Variants in RPGRIP1 observed in about 807,000 individuals in gnomAD.
RPGRIP1 encodes the protein X-linked retinitis pigmentosa GTPase regulator-interacting protein 1.
A neutral mutation model predicts 157.9 loss-of-function variants in RPGRIP1; 128 were observed. The observed-to-expected ratio is 0.81, with a 90% CI of 0.70 to 0.94. The LOEUF is 0.94. Ranked by LOEUF, RPGRIP1 falls within the 40% of genes least tolerant of loss-of-function variation. The pLI is 0.00. For missense variants in RPGRIP1, 1,486 were observed against 1,545.8 expected, an observed-to-expected ratio of 0.96 and a Z score of 0.65; for synonymous variants, 554 against 571.6, an observed-to-expected ratio of 0.97 and a Z score of 0.44.
intron 1 of RPGRIP1, among the ~76,000 whole-genome samples, chr14:21,281,550 G>C (rs1332301735): frequency 2.0e-5 from 3 of 151,764 alleles, no homozygotes; most frequent in African/African-American, 7.2e-5. Context: ...TTAGCTGGGC[G>C]TGGCGGCTTG....
In RPGRIP1 at chr14:21,290,066, G is replaced by A. The variant is rs1223222332; in HGVS notation, c.85+2005G>A. Among the ~76,000 whole-genome samples the A allele has an allele frequency of 4.6e-5, 7 of 151,414 alleles. 1 individual carries two copies. In the South Asian group the frequency reaches 6.3e-4, roughly 14 times the overall value. On this transcript the variant is annotated intron_variant, in intron 2 of 24. Coordinates refer to ENST00000400017, the MANE Select transcript of RPGRIP1 (RefSeq NM_020366.4). ...GAGATGGGGTTTCACCATGCTGGCC[G>A]GACTGGTCTCCAACTCCTGGCTTCA...
chr14:21,345,039 C>T, intron 22 of RPGRIP1, 74 bp from the exon 23 acceptor site: 1 of 924,298 alleles, frequency 1.1e-6, no homozygotes. Flanking sequence ...CCATGAATAC[C>T]ACTAATGAAA....
intron 13 of RPGRIP1, chr14:21,321,630 G>A (rs1418541918): frequency 1.7e-5 from 18 of 1,068,222 alleles, no homozygotes; most frequent in Non-Finnish European, 2.1e-5. Flanking sequence ...AATGGCAAGC[G>A]TAAGGCTTCT....
chr14:21,340,675 C>T (rs947224831), intron 21 of RPGRIP1, among the ~76,000 whole-genome samples: 17 of 152,052 alleles, frequency 1.1e-4, no homozygotes, highest in African/African-American at 4.1e-4. Flanking sequence ...AATACAGATT[C>T]CCAGGAGCCA....
intron 10 of RPGRIP1, among the ~76,000 whole-genome samples, chr14:21,314,381 G>T (rs991038790): frequency 6.6e-6 from 1 of 152,054 alleles, no homozygotes; most frequent in Non-Finnish European, 1.5e-5. Context: ...ACCGACCCTG[G>T]GCTATTCTAT....
chr14:21,322,668 TG>T (rs1044189757), intron 14 of RPGRIP1, among the ~76,000 whole-genome samples: 1 of 151,450 alleles, frequency 6.6e-6, no homozygotes, highest in African/African-American at 2.5e-5. Flanking sequence ...TCCTCTCCCC[TG>T]TCCCTCTCTC....
chr14:21,322,140 A>G (rs1043654467), intron 14 of RPGRIP1, 136 bp downstream of exon 14: 3 of 683,376 alleles, frequency 4.4e-6, no homozygotes, highest in African/African-American at 1.9e-5. Flanking sequence ...TCTTTATCCT[A>G]TCATTTTTGT....
chr14:21,340,603 C>T (rs1884895966), intron 21 of RPGRIP1, among the ~76,000 whole-genome samples: 2 of 152,106 alleles, frequency 1.3e-5, no homozygotes, highest in South Asian at 2.1e-4. Flanking sequence ...TGCAGTGAGC[C>T]GACGTCGCAC....
At chr14:21,321,502 A>C in intron 13 of RPGRIP1, 100 bp downstream of exon 13, 1 of 1,513,140 alleles carries the variant, frequency 6.6e-7, no homozygotes. Context: ...CAGGGCTGAT[A>C]CCAGGTGATG....
At chr14:21,332,327 A>G (rs1375705088) in intron 20 of RPGRIP1, among the ~76,000 whole-genome samples, 1 of 152,110 alleles carries the variant, frequency 6.6e-6, no homozygotes, top group East Asian at 1.9e-4. Flanking sequence ...GAGAAGGATA[A>G]TTTTTCTATT....
chr14:21,345,173 A>C lies in RPGRIP1; in HGVS notation c.3593A>C (p.Asn1198Thr). ...AGGCGGTTTCTGTTCGACATGCTGAATGGACAAGATCCTGATCAAGGACAG... is the reference window on the plus strand; with the variant it reads ...AGGCGGTTTCTGTTCGACATGCTGACTGGACAAGATCCTGATCAAGGACAG... ...GRRRFLFDML[N>T]GQDPDQGHLK... is the part of the protein sequence containing the mutation. The change falls in exon 23 of 25, where the codon AAT becomes ACT. Residue 1198 changes from asparagine (N) to threonine (T), a missense_variant. Asn to Thr is a moderately conservative substitution (Grantham distance 65, BLOSUM62 0). Transcript: ENST00000400017. 1.2e-6 allele frequency: 2 copies of C among 1,613,228 alleles called. No homozygotes were observed. Among genetic ancestry groups the C allele is most frequent in the South Asian group, 2.2e-5 (2 of 91,030 alleles).
chr14:21,321,214 C>T (rs567478981), intron 12 of RPGRIP1, 45 bp from the exon 13 acceptor site: 3 of 1,562,156 alleles, frequency 1.9e-6, no homozygotes, highest in Middle Eastern at 1.7e-4. Context: ...ATTACTTTAC[C>T]TGTCATATTT....
At chr14:21,290,065 C>T (rs1398367344) in intron 2 of RPGRIP1, among the ~76,000 whole-genome samples, 3 of 152,138 alleles carry the variant, frequency 2.0e-5, no homozygotes, top group African/African-American at 2.4e-5. Flanking sequence ...CCATGCTGGC[C>T]GGACTGGTCT....
intron 12 of RPGRIP1, among the ~76,000 whole-genome samples, 170 bp downstream of exon 12, chr14:21,320,347 TG>T (rs145219616): frequency 6.6e-6 from 1 of 152,056 alleles, no homozygotes; most frequent in Non-Finnish European, 1.5e-5. Context: ...TGGAGTGCAG[TG>T]GCGCGATCTC....
chr14:21,302,281 C>T (rs1219692085), intron 4 of RPGRIP1, among the ~76,000 whole-genome samples: 3 of 152,046 alleles, frequency 2.0e-5, no homozygotes, highest in African/African-American at 7.2e-5. Context: ...TTTGTACTTA[C>T]TCACTTGAGG....
At chr14:21,291,733 C>T (rs1012881271) in intron 2 of RPGRIP1, among the ~76,000 whole-genome samples, 1 of 151,990 alleles carries the variant, frequency 6.6e-6, no homozygotes, top group Non-Finnish European at 1.5e-5. Flanking sequence ...AGGTGCACAC[C>T]ACCATGCCCA....
intron 4 of RPGRIP1, 81 bp downstream of exon 4, chr14:21,301,318 T>C: frequency 7.1e-7 from 1 of 1,413,722 alleles, no homozygotes; most frequent in Non-Finnish European, 9.6e-7. Context: ...CTCACTGCCT[T>C]CTTCTGCCCA....
In RPGRIP1 at chr14:21,326,218, T is replaced by G. The variant is rs200638435; in HGVS notation, c.2710+45T>G. On this transcript the variant is annotated intron_variant, in intron 17 of 24. Coordinates refer to ENST00000400017, the MANE Select transcript of RPGRIP1 (RefSeq NM_020366.4). Reference sequence around the variant, plus strand: ...ACATCTTCACGCCCTCTTCCCAGTGTTGTCTCCCTGTCCTGATTCTACTTT... The same window carrying G: ...ACATCTTCACGCCCTCTTCCCAGTGGTGTCTCCCTGTCCTGATTCTACTTT... The G allele has an allele frequency of 6.9e-5, 89 of 1,291,492 alleles. 1 individual carries two copies. In the African/African-American group the frequency reaches 1.2e-3, roughly 18 times the overall value. 80.0% of individuals were successfully genotyped at this position (1,291,492 alleles called of 1,614,324 possible).
At chr14:21,339,711 G>C (rs1306449096) in intron 21 of RPGRIP1, among the ~76,000 whole-genome samples, 1 of 152,114 alleles carries the variant, frequency 6.6e-6, no homozygotes, top group Non-Finnish European at 1.5e-5. Context: ...TTCATACTGT[G>C]TGCCAAGTGC....
Sources: gnomAD v4.1 joint callset for allele counts (sites outside exome capture counted in the v4.1 genomes callset) on GRCh38, gnomAD v4.1.1 for gene constraint, MANE v1.5 for transcripts, NCBI Gene and HGNC (gene_info 2026-07-23, HGNC 2026-07-21) for gene names.